CA1: variants seen among roughly 807,000 people sequenced by gnomAD.
The protein encoded by CA1 is carbonate dehydratase I.
A neutral mutation model predicts 28.8 loss-of-function variants in CA1; 27 were observed. The ratio of observed to expected loss-of-function variants is 0.94; its 90% confidence interval spans 0.69 to 1.29. CA1 has a LOEUF of 1.29. Ranked by LOEUF, CA1 falls within the 50% of genes most tolerant of loss-of-function variation. The probability of loss-of-function intolerance (pLI) is 0.00; values close to 1 mark genes in which losing one functional copy is unlikely to be tolerated. For missense variants in CA1, 335 were observed against 310.5 expected, an observed-to-expected ratio of 1.08 and a Z score of -0.59; for synonymous variants, 121 against 108.8, an observed-to-expected ratio of 1.11 and a Z score of -0.70.
At position 85,336,973 on chromosome 8, in the gene CA1, G is replaced by C. The variant is rs374142533; in HGVS notation, c.326C>G (p.Thr109Arg). Residue 109 changes from threonine (T) to arginine (R), a missense_variant, in exon 4 of 8, where the codon ACA becomes AGA. Transcript: ENST00000523022. ...GGCAGAATATTTGACTCCATCCACTGTATGTTCTGAACCATGCTCATTTGT... is the reference window on the plus strand; with the variant it reads ...GGCAGAATATTTGACTCCATCCACTCTATGTTCTGAACCATGCTCATTTGT... ...GSTNEHGSEH[T>R]VDGVKYSAEL... 9 of 1,608,772 alleles carry C rather than the reference G, an allele frequency of 5.6e-6. 1 individual carries two copies. The South Asian group carries it at 8.8e-5, about 16-fold the overall frequency.
chr8:85,353,693 G>C (rs1276543576), intron 1 of CA1, among the ~76,000 whole-genome samples: 1 of 148,374 alleles, frequency 6.7e-6, no homozygotes, highest in African/African-American at 2.5e-5. Context: ...TTTTGGCTTT[G>C]CAACGTTCTT....
chr8:85,365,284 G>A (rs986558868), intron 1 of CA1, among the ~76,000 whole-genome samples: 4 of 152,186 alleles, frequency 2.6e-5, no homozygotes, highest in Non-Finnish European at 4.4e-5. Context: ...CTTCATTTCA[G>A]AACAACATGA....
intron 1 of CA1, among the ~76,000 whole-genome samples, chr8:85,368,772 C>G (rs1810108584): frequency 6.6e-6 from 1 of 151,886 alleles, no homozygotes; most frequent in Non-Finnish European, 1.5e-5. Flanking sequence ...GGGGGCAATG[C>G]TTCATTTCTA....
chr8:85,337,215 G>C, intron 3 of CA1, 152 bp from the exon 4 acceptor site: 1 of 672,100 alleles, frequency 1.5e-6, no homozygotes, highest in East Asian at 2.8e-5. Context: ...CCACATCCAT[G>C]AGGATGACAG....
chr8:85,332,381 G>T lies in CA1; in HGVS notation c.513+109C>A. 8 of 829,514 alleles carry T rather than the reference G, an allele frequency of 9.6e-6. No homozygotes were observed. In the South Asian group the frequency reaches 1.0e-4, roughly 11 times the overall value. The allele number at this position is 829,514 out of a possible 1,614,324, so 51.4% of individuals were successfully genotyped here. On this transcript the variant is annotated intron_variant, in intron 6 of 7. Coordinates refer to ENST00000523022, the MANE Select transcript of CA1 (RefSeq NM_001128831.4). ...GTAGCACCTTGATTTTCAGTTGGTAGCTTTTACTATGGCCTTCCTACTCCC... is the reference window on the plus strand; with the variant it reads ...GTAGCACCTTGATTTTCAGTTGGTATCTTTTACTATGGCCTTCCTACTCCC...
intron 1 of CA1, among the ~76,000 whole-genome samples, chr8:85,364,184 G>C (rs933490915): frequency 6.6e-6 from 1 of 151,960 alleles, no homozygotes; most frequent in Non-Finnish European, 1.5e-5. Flanking sequence ...TTTACCTTCA[G>C]ACTTTGCGAT....
intron 1 of CA1, among the ~76,000 whole-genome samples, chr8:85,345,488 T>C (rs541515761): frequency 6.6e-6 from 1 of 152,234 alleles, no homozygotes; most frequent in African/African-American, 2.4e-5. Context: ...CTCTATGATA[T>C]GATAAAACCT....
chr8:85,350,855 G>T (rs1015359916), intron 1 of CA1, among the ~76,000 whole-genome samples: 6 of 152,144 alleles, frequency 3.9e-5, no homozygotes, highest in African/African-American at 1.4e-4. Context: ...GCAGTGATTC[G>T]ATCTGGGGAA....
intron 1 of CA1, among the ~76,000 whole-genome samples, chr8:85,362,423 A>G (rs753233320): frequency 6.6e-6 from 1 of 152,124 alleles, no homozygotes; most frequent in Non-Finnish European, 1.5e-5. Flanking sequence ...AGCAAGGGAA[A>G]ACTTCTCAAG....
At chr8:85,329,900 TG>T in intron 6 of CA1, 56 bp from the exon 7 acceptor site, 2 of 1,301,154 alleles carry the variant, frequency 1.5e-6, no homozygotes, top group Non-Finnish European at 2.2e-6. Context: ...TATGAATATA[TG>T]TGACATATAT....
chr8:85,345,859 G>C (rs1322704191), intron 1 of CA1, among the ~76,000 whole-genome samples: 2 of 152,038 alleles, frequency 1.3e-5, no homozygotes, highest in African/African-American at 2.4e-5. Flanking sequence ...ACTGATCTTT[G>C]TAAGTGTCAA....
intron 7 of CA1, 49 bp downstream of exon 7, chr8:85,329,640 G>A: frequency 1.3e-6 from 2 of 1,483,350 alleles, no homozygotes; most frequent in Non-Finnish European, 9.4e-7. Context: ...ATCAATTAAA[G>A]TAATATTCCT....
intron 3 of CA1, among the ~76,000 whole-genome samples, chr8:85,337,663 A>G (rs1388862954): frequency 1.3e-5 from 2 of 152,206 alleles, no homozygotes; most frequent in Admixed American, 6.6e-5. Context: ...TCTAATATTA[A>G]TAATGGACAT....
intron 1 of CA1, among the ~76,000 whole-genome samples, chr8:85,376,025 T>C (rs774454260): frequency 2.6e-5 from 4 of 152,166 alleles, no homozygotes; most frequent in African/African-American, 9.7e-5. Context: ...ACTATCAAAT[T>C]ACACAGTTAT....
At chr8:85,341,715 G>T in intron 1 of CA1, 56 bp from the exon 2 acceptor site, 1 of 942,906 alleles carries the variant, frequency 1.1e-6, no homozygotes, top group Non-Finnish European at 1.7e-6. Flanking sequence ...TGCAGGAGAT[G>T]CCTTAAATCC....
At chr8:85,351,672 C>T (rs558614458) in intron 1 of CA1, 10 of 152,290 alleles carry the variant, frequency 6.6e-5, no homozygotes, top group South Asian at 2.1e-4. Context: ...GGCAGGTGTC[C>T]GGCCTAAAGC....
At chr8:85,336,850 T>C (rs1484729689) in intron 4 of CA1, 95 bp downstream of exon 4, 1 of 800,704 alleles carries the variant, frequency 1.2e-6, no homozygotes, top group African/African-American at 1.7e-5. Context: ...CCCATTCCTT[T>C]GGAGTCATTA....
At chr8:85,357,248 T>C (rs1447553971) in intron 1 of CA1, among the ~76,000 whole-genome samples, 1 of 152,168 alleles carries the variant, frequency 6.6e-6, no homozygotes, top group Non-Finnish European at 1.5e-5. Context: ...TAAGAGACAG[T>C]GGAGCTGTAT....
intron 1 of CA1, among the ~76,000 whole-genome samples, chr8:85,368,714 T>TA (rs60539820): frequency 2.0e-5 from 3 of 151,706 alleles, no homozygotes; most frequent in African/African-American, 4.8e-5. Flanking sequence ...GAGAAACAGG[T>TA]AAAAAAAAGA....
Sources: gnomAD v4.1 joint callset for allele counts (sites outside exome capture counted in the v4.1 genomes callset) on GRCh38, gnomAD v4.1.1 for gene constraint, MANE v1.5 for transcripts, NCBI Gene and HGNC (gene_info 2026-07-23, HGNC 2026-07-21) for gene names.